GRID2: variants seen among roughly 807,000 people sequenced by gnomAD.
The protein encoded by GRID2 is glutamate receptor ionotropic, delta-2.
Under a neutral mutation model 114.8 loss-of-function variants are expected in GRID2, and 33 were observed. The observed-to-expected ratio is 0.29, with a 90% CI of 0.22 to 0.38. The LOEUF is 0.38. Ranked by LOEUF, GRID2 falls within the 10% of genes least tolerant of loss-of-function variation. The probability of loss-of-function intolerance (pLI) is 1.00; values close to 1 mark genes in which losing one functional copy is unlikely to be tolerated. For missense variants in GRID2, 1,184 were observed against 1,257.7 expected, an observed-to-expected ratio of 0.94 and a Z score of 0.89; for synonymous variants, 505 against 449.9, an observed-to-expected ratio of 1.12 and a Z score of -1.55.
At chr4:92,379,515 G>A (rs1729514489) in intron 1 of GRID2, among the ~76,000 whole-genome samples, 1 of 151,956 alleles carries the variant, frequency 6.6e-6, no homozygotes. Flanking sequence ...AATATCTTCT[G>A]TATACAAATT....
chr4:93,443,305 C>T (rs1337815719), intron 10 of GRID2, among the ~76,000 whole-genome samples: 1 of 151,974 alleles, frequency 6.6e-6, no homozygotes. Flanking sequence ...TACATATACA[C>T]TTACCACCAT....
intron 11 of GRID2, among the ~76,000 whole-genome samples, chr4:93,457,554 A>G (rs1485806765): frequency 1.3e-5 from 2 of 152,190 alleles, no homozygotes; most frequent in African/African-American, 4.8e-5. Context: ...GAATAGATTG[A>G]AAAAAGGCAA....
intron 1 of GRID2, among the ~76,000 whole-genome samples, chr4:92,485,720 A>G (rs1370557773): frequency 1.3e-5 from 2 of 151,896 alleles, no homozygotes; most frequent in South Asian, 2.1e-4. Flanking sequence ...TGAGAGAGAG[A>G]AAAACAATTT....
intron 1 of GRID2, among the ~76,000 whole-genome samples, chr4:92,403,129 AG>A (rs1730866407): frequency 6.6e-6 from 1 of 152,178 alleles, no homozygotes; most frequent in South Asian, 2.1e-4. Flanking sequence ...AGAGAATTGA[AG>A]AGAGGTCCTT....
At chr4:93,598,193 G>A (rs549617948) in intron 13 of GRID2, among the ~76,000 whole-genome samples, 2 of 152,258 alleles carry the variant, frequency 1.3e-5, no homozygotes, top group East Asian at 3.9e-4. Flanking sequence ...CACCCGGGCG[G>A]TCTGACTCTA....
At chr4:92,883,335 C>T (rs1746148568) in intron 2 of GRID2, among the ~76,000 whole-genome samples, 1 of 152,154 alleles carries the variant, frequency 6.6e-6, no homozygotes, top group African/African-American at 2.4e-5. Flanking sequence ...GTTTTTATCA[C>T]ATCCACAGTT....
chr4:93,290,864 A>T (rs892291045), intron 8 of GRID2, among the ~76,000 whole-genome samples: 5 of 146,516 alleles, frequency 3.4e-5, no homozygotes, highest in Admixed American at 2.9e-4. Flanking sequence ...TCAAAAGCAT[A>T]CAAGTTACTT....
At chr4:93,480,996 C>G (rs1437178164) in intron 11 of GRID2, among the ~76,000 whole-genome samples, 1 of 152,006 alleles carries the variant, frequency 6.6e-6, no homozygotes, top group East Asian at 1.9e-4. Flanking sequence ...TAATGAATTA[C>G]TACCACCCCC....
chr4:92,350,288 G>A (rs1169980083), intron 1 of GRID2, among the ~76,000 whole-genome samples: 1 of 151,646 alleles, frequency 6.6e-6, no homozygotes, highest in East Asian at 1.9e-4. Flanking sequence ...AATGCCCAAA[G>A]GATGTATTGT....
intron 2 of GRID2, among the ~76,000 whole-genome samples, chr4:92,645,246 T>C (rs1731550874): frequency 6.6e-6 from 1 of 151,768 alleles, no homozygotes; most frequent in African/African-American, 2.4e-5. Flanking sequence ...TTCTTTTTCC[T>C]TGGAATGTGT....
intron 1 of GRID2, among the ~76,000 whole-genome samples, chr4:92,580,019 T>C (rs1728101633): frequency 6.8e-6 from 1 of 147,986 alleles, no homozygotes; most frequent in South Asian, 2.1e-4. Flanking sequence ...TATAGTATAA[T>C]GGACTCAGTT....
chr4:93,298,550 A>G (rs554134573), intron 8 of GRID2, among the ~76,000 whole-genome samples: 48 of 152,352 alleles, frequency 3.2e-4, no homozygotes, highest in Admixed American at 5.2e-4. Context: ...GGATTTCAGC[A>G]TATGAATTTT....
chr4:93,247,691 G>T (rs1035455669), intron 8 of GRID2, among the ~76,000 whole-genome samples: 1 of 151,816 alleles, frequency 6.6e-6, no homozygotes, highest in African/African-American at 2.4e-5. Flanking sequence ...CTTAGCCTCC[G>T]TAATTATGTG....
rs530059531 is a variant in GRID2, at chr4:92,681,809, A to G, written c.244+91523A>G. On this transcript the variant is annotated intron_variant, in intron 2 of 15. Transcript: ENST00000282020. ...TAGAGTCATTGGTTTGTTGATTTAA[A>G]AATGTATATTCAGAATGTGGAAGAT... is the stretch of plus-strand genomic sequence containing the variant. Among the ~76,000 whole-genome samples the G allele has an allele frequency of 2.0e-5, 3 of 152,286 alleles. No individual in the cohort carries two copies. In the South Asian group the frequency reaches 6.2e-4, roughly 32 times the overall value.
chr4:93,368,193 C>T (rs183997013), intron 8 of GRID2, among the ~76,000 whole-genome samples: 1 of 152,122 alleles, frequency 6.6e-6, no homozygotes, highest in East Asian at 1.9e-4. Context: ...AATAAAGTGA[C>T]AGTTAATTCT....
At chr4:93,407,812 TCC>T (rs1560588784) in intron 9 of GRID2, among the ~76,000 whole-genome samples, 3 of 128,194 alleles carry the variant, frequency 2.3e-5, no homozygotes, top group African/African-American at 3.7e-5. Flanking sequence ...CTCCTCCTCT[TCC>T]TCCTCCTCCT....
chr4:93,168,804 C>G (rs1738513377), intron 4 of GRID2, among the ~76,000 whole-genome samples: 1 of 151,992 alleles, frequency 6.6e-6, no homozygotes, highest in Admixed American at 6.6e-5. Flanking sequence ...TTAAATCAAC[C>G]CAGTTTCTGG....
chr4:93,008,717 T>G (rs1307128463), intron 2 of GRID2, among the ~76,000 whole-genome samples: 1 of 152,156 alleles, frequency 6.6e-6, no homozygotes, highest in Non-Finnish European at 1.5e-5. Context: ...CAATTTTTGC[T>G]TTTGTGATCT....
At chr4:92,370,882 AAAAGTTCTAG>A (rs1386650770) in intron 1 of GRID2, among the ~76,000 whole-genome samples, 1 of 152,172 alleles carries the variant, frequency 6.6e-6, no homozygotes, top group Non-Finnish European at 1.5e-5. Flanking sequence ...AATGCAAATG[AAAAGTTCTAG>A]AAAGTTCTAG....
Sources: allele counts gnomAD v4.1 joint callset (sites outside exome capture counted in the v4.1 genomes callset), GRCh38; gene constraint gnomAD v4.1.1; transcripts MANE v1.5; gene names NCBI Gene and HGNC (gene_info 2026-07-23, HGNC 2026-07-21).